The following SIGIRR variants were observed in gnomAD, a reference collection of about 807,000 sequenced individuals.
SIGIRR encodes the protein single Ig IL-1-related receptor.
SIGIRR carries 41 observed loss-of-function variants against 45.6 expected under a neutral mutation model. The observed-to-expected ratio is 0.90, with a 90% CI of 0.70 to 1.17. The LOEUF (loss-of-function observed/expected upper bound fraction) is 1.17. Ranked by LOEUF, SIGIRR falls within the 50% of genes most tolerant of loss-of-function variation. The pLI, the probability that SIGIRR is intolerant of heterozygous loss-of-function variation, is 0.00. For missense variants in SIGIRR, 599 were observed against 539.6 expected (o/e 1.11, Z -1.09); for synonymous variants, 298 against 239.0 (o/e 1.25, Z -2.28).
Position 406,945 on chromosome 11 carries a change from G to A in SIGIRR, c.777C>T (p.Ile259=), listed in dbSNP as rs756653521. The change falls in exon 8 of 10, where the codon ATC becomes ATT. Residue 259 remains isoleucine (I), a synonymous_variant. Coordinates refer to ENST00000431843, the MANE Select transcript of SIGIRR (RefSeq NM_001135054.2). ...LLELTRRPIF[I]TFEGQRRDPA... The stretch of plus-strand genomic sequence containing the variant: ...GGTCGCGCCTCTGGCCCTCGAAGGT[G>A]ATGAAGATGGGTCTGCGGGTGAGCT... The A allele has an allele frequency of 5.0e-6, 8 of 1,602,432 alleles. No homozygotes were observed. In the South Asian group the frequency reaches 8.8e-5, roughly 18 times the overall value.
chr11:412,887 G>T (rs979785397), intron 1 of SIGIRR, among the ~76,000 whole-genome samples: 1 of 152,104 alleles, frequency 6.6e-6, no homozygotes, highest in African/African-American at 2.4e-5. Flanking sequence ...GGGGATGGAG[G>T]TCTCGGGTCC....
rs763948322 is a variant in SIGIRR at position 406,353 on chromosome 11, G to A, written c.1065C>T (p.Asp355=). Residue 355 remains aspartate, a synonymous_variant, in exon 9 of 10, where the codon GAC becomes GAT. Coordinates refer to ENST00000431843, the MANE Select transcript of SIGIRR (RefSeq NM_001135054.2). ...AGTGGGGCTGGGCGGGCATACCCAG[G>A]TCGCCCTCAGGGTCCGGGTCCACCT... ...DSEVDPDPEG[D]LGVRGPVFGE... 3.1e-6 allele frequency: 5 copies of A among 1,612,180 alleles called. No homozygotes were observed. In the African/African-American group the frequency reaches 5.3e-5, roughly 17 times the overall value.
In SIGIRR at chr11:408,156, T is replaced by C. The variant is rs777216174; in HGVS notation, c.257A>G (p.Asn86Ser). The C allele has an allele frequency of 1.9e-6, 3 of 1,612,768 alleles. No individual in the cohort carries two copies. The highest frequency in any genetic ancestry group is 2.2e-5 in the East Asian group (1 of 44,870). ...CCCATAGACTTCAGTGCTGGTCACG[T>C]TGACCCCCAGGACACTGGACACAAG... is the stretch of plus-strand genomic sequence containing the variant. ...EVLVSSVLGV[N>S]VTSTEVYGAF... The change falls in exon 4 of 10, where the codon AAC becomes AGC. Residue 86 changes from asparagine to serine, a missense_variant. Coordinates refer to ENST00000431843, the MANE Select transcript of SIGIRR (RefSeq NM_001135054.2).
chr11:405,948 T>C lies in SIGIRR; in HGVS notation c.1181A>G (p.Asn394Ser). The change falls in exon 10 of 10, where the codon AAC becomes AGC. Residue 394 changes from asparagine (N) to serine (S), a missense_variant. By Grantham distance (46) the Asn-to-Ser change is conservative. Transcript: ENST00000431843. ...GTAGAAGTCTGTGCGGGCACTGTAG[T>C]TTCGCGAGCCGAGATCCGAGACGTC... ...EVDVSDLGSR[N>S]YSARTDFYCL... The C allele has an allele frequency of 6.2e-7, 1 of 1,610,842 alleles. No individual in the cohort carries two copies. Among genetic ancestry groups the C allele is most frequent in the South Asian group, 1.1e-5 (1 of 90,946 alleles).
At chr11:410,393 G>T (rs890713709) in intron 1 of SIGIRR, among the ~76,000 whole-genome samples, 2 of 152,304 alleles carry the variant, frequency 1.3e-5, no homozygotes, top group East Asian at 3.9e-4. Context: ...ACTGCAGGGG[G>T]TGCTGCAGTG....
upstream of SIGIRR, among the ~76,000 whole-genome samples, chr11:415,748 G>A (rs772376664): frequency 2.0e-5 from 3 of 152,210 alleles, no homozygotes; most frequent in Non-Finnish European, 2.9e-5. The surrounding 1 kb of genome is among the most constrained non-coding windows in gnomAD (Gnocchi z 6.6). Context: ...CTGGCTCAGA[G>A]CAGATGAGGG....
rs957121446 is a variant in SIGIRR, at chr11:406,980, G to C, written c.742C>G (p.Arg248Gly). The C allele has an allele frequency of 6.2e-7, 1 of 1,600,380 alleles. No individual in the cohort carries two copies. The highest frequency in any genetic ancestry group is 8.5e-7 in the Non-Finnish European group (1 of 1,176,910). ...CSHSFREGLC[R>G]LLELTRRPIF... ...GGTCTGCGGGTGAGCTCCAGCAGCC[G>C]GCACAGGCCCTCCCTGCGGGGCGGG... is the stretch of plus-strand genomic sequence containing the variant. The change falls in exon 8 of 10, where the codon CGG becomes GGG. Residue 248 changes from arginine (R) to glycine (G), a missense_variant. By Grantham distance (125) the Arg-to-Gly change is moderately radical. Coordinates refer to ENST00000431843, the MANE Select transcript of SIGIRR (RefSeq NM_001135054.2).
At chr11:410,232 C>T (rs1414091180) in intron 1 of SIGIRR, among the ~76,000 whole-genome samples, 4 of 152,122 alleles carry the variant, frequency 2.6e-5, no homozygotes, top group South Asian at 2.1e-4. Flanking sequence ...CCCAGGACCA[C>T]GGGGAGGGGC....
At chr11:406,323 T>C in intron 9 of SIGIRR, 26 bp downstream of exon 9, 2 of 1,609,504 alleles carry the variant, frequency 1.2e-6, no homozygotes, top group Non-Finnish European at 1.7e-6. Context: ...CTTCTCCAGT[T>C]GGGGAGTGGG....
At chr11:414,447 G>A (rs1412511091) in intron 1 of SIGIRR, among the ~76,000 whole-genome samples, 4 of 150,958 alleles carry the variant, frequency 2.6e-5, no homozygotes, top group African/African-American at 9.8e-5. Flanking sequence ...CAGCCCTCTG[G>A]CCCATGTGCA....
chr11:409,219 G>A (rs1423782711), intron 2 of SIGIRR: 1 of 476,238 alleles, frequency 2.1e-6, no homozygotes, highest in East Asian at 4.6e-5. Flanking sequence ...AGATGCACCT[G>A]TTGCCCACCC....
At chr11:409,287 TG>T in intron 2 of SIGIRR, 1 of 377,998 alleles carries the variant, frequency 2.6e-6, no homozygotes. Flanking sequence ...CCCCTCAGCC[TG>T]GCCTGCCTCT....
chr11:406,623 G>A, intron 8 of SIGIRR, 85 bp from the exon 9 acceptor site: 4 of 1,481,730 alleles, frequency 2.7e-6, no homozygotes, highest in Admixed American at 2.4e-5. Context: ...ACCTGCGGCT[G>A]CCCACGGGTT....
In SIGIRR at chr11:406,776, T is replaced by A; in HGVS notation, c.879+67A>T. 6 of 1,450,490 alleles carry A rather than the reference T, an allele frequency of 4.1e-6. No homozygotes were observed. The African/African-American group carries it at 5.7e-5, about 14-fold the overall frequency. The allele number at this position is 1,450,490 out of a possible 1,614,324, so 89.9% of individuals were successfully genotyped here. A position where few individuals can be genotyped will look rare whatever the true frequency, so the allele number is the denominator to read the frequency against. Reference sequence around the variant, plus strand: ...AGCTCCCCACGGAGGGGTCCCAGCCTGGAGCCCGGGCACCGCCCATCTCTA... The same window carrying A: ...AGCTCCCCACGGAGGGGTCCCAGCCAGGAGCCCGGGCACCGCCCATCTCTA... On this transcript the variant is annotated intron_variant, in intron 8 of 9. Transcript: ENST00000431843.
At chr11:409,145 C>A in intron 2 of SIGIRR, 2 of 556,336 alleles carry the variant, frequency 3.6e-6, no homozygotes, top group Non-Finnish European at 6.5e-6. Context: ...CTGCCCCAGG[C>A]CCACGCTCAA....
At chr11:417,099 C>T (rs1847908407), upstream of SIGIRR, among the ~76,000 whole-genome samples, 1 of 152,198 alleles carries the variant, frequency 6.6e-6, no homozygotes, top group African/African-American at 2.4e-5. The surrounding 1 kb of genome is among the most constrained non-coding windows in gnomAD (Gnocchi z 4.2). Context: ...TGGCCCCCGC[C>T]CCCTTCGCCC....
Position 406,474 on chromosome 11 carries a change from G to A in SIGIRR, c.944C>T (p.Pro315Leu). ...LALPRKVQYR[P>L]VEGDPQTQLQ... The stretch of plus-strand genomic sequence containing the variant: ...CTGCGTCTGGGGGTCTCCTTCCACA[G>A]GCCTGTACTGCACCTTCCGCGGCAG... The change falls in exon 9 of 10, where the codon CCT becomes CTT. Residue 315 changes from proline to leucine, a missense_variant. Transcript: ENST00000431843. 1.2e-6 allele frequency: 2 copies of A among 1,612,516 alleles called. No homozygotes were observed. Among genetic ancestry groups the A allele is most frequent in the Non-Finnish European group, 8.5e-7 (1 of 1,179,794 alleles).
At chr11:410,749 G>A (rs1404530679) in intron 1 of SIGIRR, among the ~76,000 whole-genome samples, 1 of 65,050 alleles carries the variant, frequency 1.5e-5, no homozygotes, top group Non-Finnish European at 3.0e-5. Context: ...CAGTCGGGGG[G>A]TGCCCAGCTC....
Position 408,020 on chromosome 11 carries a change from C to A in SIGIRR, c.340+53G>T, listed in dbSNP as rs924015853. On this transcript the variant is annotated intron_variant, in intron 4 of 9. Coordinates refer to ENST00000431843, the MANE Select transcript of SIGIRR (RefSeq NM_001135054.2). ...GCCCCCAAGCCTCAAGATCCCTGGG[C>A]CTCACTAGGTCTAGGTCCCCTTCTA... 5.1e-5 allele frequency: 82 copies of A among 1,607,018 alleles called. No homozygotes were observed. The African/African-American group carries it at 1.0e-3, about 20-fold the overall frequency.
Sources: gnomAD v4.1 joint callset for allele counts (sites outside exome capture counted in the v4.1 genomes callset) on GRCh38, gnomAD v4.1.1 for gene constraint, Gnocchi (gnomAD v3.1) non-coding constraint, MANE v1.5 for transcripts, NCBI Gene and HGNC (gene_info 2026-07-23, HGNC 2026-07-21) for gene names.